The following MTAP variants were observed in gnomAD, a reference collection of about 807,000 sequenced individuals.
MTAP encodes the protein methylthioadenosine phosphorylase, also known as S-methyl-5'-thioadenosine phosphorylase.
In MTAP, 33 loss-of-function variants were observed where a neutral mutation model predicts 33.6. The observed-to-expected ratio is 0.98, with a 90% CI of 0.74 to 1.31. The LOEUF is 1.31. Ranked by LOEUF, MTAP falls within the 40% of genes most tolerant of loss-of-function variation. The probability of loss-of-function intolerance (pLI) is 0.00; values close to 1 mark genes in which losing one functional copy is unlikely to be tolerated. For missense variants in MTAP, 367 were observed against 360.0 expected (o/e 1.02, Z -0.16); for synonymous variants, 148 against 125.7 (o/e 1.18, Z -1.19).
chr9:21,827,096 G>A (rs1423703374), intron 4 of MTAP, among the ~76,000 whole-genome samples: 1 of 152,076 alleles, frequency 6.6e-6, no homozygotes, highest in Non-Finnish European at 1.5e-5. Context: ...AAAGATTAGG[G>A]GCAGCTGTAC....
chr9:21,802,643 C>G lies in MTAP; in HGVS notation c.-106C>G, dbSNP rs1824076867. 7.6e-7 allele frequency: 1 copy of G among 1,316,420 alleles called. No individual in the cohort carries two copies. The highest frequency in any genetic ancestry group is 1.5e-5 in the African/African-American group (1 of 67,054). 81.5% of individuals were successfully genotyped at this position (1,316,420 alleles called of 1,614,324 possible). On this transcript the variant is annotated 5_prime_UTR_variant, in exon 1 of 8. Coordinates refer to ENST00000644715, the MANE Select transcript of MTAP (RefSeq NM_002451.4). ...TCAAGGCCCGCCCCTGGTCTCCGCA[C>G]TGCTCACTCCCGCGCAGTGAGGTTG...
chr9:21,896,581 A>C (rs955788818), intron 1 of MTAP, among the ~76,000 whole-genome samples: 2 of 152,180 alleles, frequency 1.3e-5, no homozygotes, highest in Non-Finnish European at 2.9e-5. Context: ...CAGAAAAACA[A>C]ACTACCATCA....
At chr9:21,886,960 T>G (rs1220666862) in intron 1 of MTAP, among the ~76,000 whole-genome samples, 2 of 152,150 alleles carry the variant, frequency 1.3e-5, no homozygotes, top group Non-Finnish European at 2.9e-5. Flanking sequence ...GATTGTTTTT[T>G]CTAGTTCTGT....
chr9:21,935,420 G>A (rs751348199), downstream of MTAP: 7 of 147,058 alleles, frequency 4.8e-5, no homozygotes, highest in Non-Finnish European at 7.4e-5. Context: ...AGTTACAAGC[G>A]GTTTTTTTTT....
At chr9:21,826,264 C>G (rs1365381985) in intron 4 of MTAP, among the ~76,000 whole-genome samples, 17 of 149,218 alleles carry the variant, frequency 1.1e-4, no homozygotes, top group Non-Finnish European at 2.5e-4. Context: ...TCTCTATTGT[C>G]TCATGAACTT....
intron 5 of MTAP, among the ~76,000 whole-genome samples, chr9:21,854,291 T>C (rs1247151059): frequency 6.6e-6 from 1 of 152,202 alleles, no homozygotes; most frequent in Admixed American, 6.5e-5. Flanking sequence ...CAGTCTGTAT[T>C]CTCAAACCAG....
At position 21,862,689 on chromosome 9, in the gene MTAP, T is replaced by A. The variant is rs1470798156; in HGVS notation, c.*675T>A. On this transcript the variant is annotated 3_prime_UTR_variant, in exon 8 of 8. Coordinates refer to ENST00000644715, the MANE Select transcript of MTAP (RefSeq NM_002451.4). ...ATCCTTTTTGCATATTTCAATGTCC[T>A]AAAAAGACACGGTTGCTCTATATAT... 1 of 153,470 alleles carries A rather than the reference T, an allele frequency of 6.5e-6. No homozygotes were observed. Among genetic ancestry groups the A allele is most frequent in the African/African-American group, 2.4e-5 (1 of 41,456 alleles). 9.5% of individuals were successfully genotyped at this position (153,470 alleles called of 1,614,324 possible).
At chr9:21,857,149 G>A (rs1460219484) in intron 6 of MTAP, among the ~76,000 whole-genome samples, 1 of 152,174 alleles carries the variant, frequency 6.6e-6, no homozygotes, top group East Asian at 1.9e-4. Context: ...AAGGTCAGTA[G>A]GAAGGACATT....
chr9:21,855,808 G>T (rs1297589460), intron 6 of MTAP, among the ~76,000 whole-genome samples: 1 of 152,132 alleles, frequency 6.6e-6, no homozygotes, highest in African/African-American at 2.4e-5. Context: ...GGCCAATCTT[G>T]TGTGATAGGT....
intron 1 of MTAP, among the ~76,000 whole-genome samples, chr9:21,923,283 G>A (rs1477128911): frequency 1.3e-5 from 2 of 152,158 alleles, no homozygotes; most frequent in African/African-American, 4.8e-5. Flanking sequence ...ATGCTCCAGG[G>A]TCAAGTTTTT....
At chr9:21,875,646 TG>T (rs1825996364) in intron 1 of MTAP, among the ~76,000 whole-genome samples, 1 of 152,154 alleles carries the variant, frequency 6.6e-6, no homozygotes, top group African/African-American at 2.4e-5. Flanking sequence ...GTGTGGTATT[TG>T]GTTTTCTGTT....
At position 21,802,659 on chromosome 9, in the gene MTAP, A is replaced by C. The variant is rs1270402521; in HGVS notation, c.-90A>C. The C allele has an allele frequency of 1.4e-6, 2 of 1,470,204 alleles. No individual in the cohort carries two copies. The highest frequency in any genetic ancestry group is 2.8e-5 in the African/African-American group (2 of 71,240). The allele number at this position is 1,470,204 out of a possible 1,614,324, so 91.1% of individuals were successfully genotyped here. A position where few individuals can be genotyped will look rare whatever the true frequency, so the allele number is the denominator to read the frequency against. ...GTCTCCGCACTGCTCACTCCCGCGC[A>C]GTGAGGTTGGCACAGCCACCGCTCT... On this transcript the variant is annotated 5_prime_UTR_variant, in exon 1 of 8. Coordinates refer to ENST00000644715, the MANE Select transcript of MTAP (RefSeq NM_002451.4).
At chr9:21,830,823 G>A (rs885392) in intron 4 of MTAP, among the ~76,000 whole-genome samples, 27 of 152,244 alleles carry the variant, frequency 1.8e-4, no homozygotes, top group African/African-American at 6.5e-4. Context: ...GCATCACTGG[G>A]CCTTTGCTTA....
chr9:21,802,857 T>C (rs753215496), intron 1 of MTAP, 76 bp downstream of exon 1: 2 of 1,583,262 alleles, frequency 1.3e-6, no homozygotes, highest in East Asian at 2.3e-5. Flanking sequence ...GGACCGCGCC[T>C]CCGGGGGCCA....
chr9:21,889,401 G>A (rs1038534537), intron 1 of MTAP, among the ~76,000 whole-genome samples: 1 of 151,464 alleles, frequency 6.6e-6, no homozygotes, highest in African/African-American at 2.4e-5. Flanking sequence ...CAGAGATTTC[G>A]ACTTAGTTTG....
rs1264470422 is a variant in MTAP at position 21,864,302 on chromosome 9, T to C, written c.*2288T>C. The C allele has an allele frequency of 3.0e-6, 3 of 985,324 alleles. No homozygotes were observed. Among genetic ancestry groups the C allele is most frequent in the Non-Finnish European group, 3.6e-6 (3 of 829,932 alleles). The allele number at this position is 985,324 out of a possible 1,614,324, so 61.0% of individuals were successfully genotyped here. ...CCTCATACCTTATGCTTGAGGATAT[T>C]GTTGAAGAACACTTCCTGGAACACT... On this transcript the variant is annotated 3_prime_UTR_variant, in exon 8 of 8. Transcript: ENST00000644715.
intron 1 of MTAP, among the ~76,000 whole-genome samples, chr9:21,804,984 GA>G (rs1824171114): frequency 6.6e-6 from 1 of 152,222 alleles, no homozygotes. Flanking sequence ...CTTGAAGAGG[GA>G]GGCAGAGGGT....
At chr9:21,932,340 C>T (rs1004529740), downstream of MTAP, 1 of 152,178 alleles carries the variant, frequency 6.6e-6, no homozygotes, top group African/African-American at 2.4e-5. Context: ...GATGAGAGGC[C>T]ACCAGGCAAG....
intron 1 of MTAP, among the ~76,000 whole-genome samples, chr9:21,878,981 G>A (rs1276369728): frequency 1.3e-5 from 2 of 152,124 alleles, no homozygotes; most frequent in Non-Finnish European, 2.9e-5. Flanking sequence ...CCAATTATGT[G>A]GTCAATTTTA....
Sources: gnomAD v4.1 joint callset for allele counts (sites outside exome capture counted in the v4.1 genomes callset) on GRCh38, gnomAD v4.1.1 for gene constraint, MANE v1.5 for transcripts, NCBI Gene and HGNC (gene_info 2026-07-23, HGNC 2026-07-21) for gene names.